The following UVRAG variants were observed in gnomAD, a reference collection of about 807,000 sequenced individuals.
UVRAG encodes the protein UV radiation resistance-associated gene protein.
Under a neutral mutation model 78.0 loss-of-function variants are expected in UVRAG, and 19 were observed. The ratio of observed to expected loss-of-function variants is 0.24; its 90% CI spans 0.17 to 0.36. The LOEUF is 0.36. UVRAG is among the 10% of genes least tolerant of loss of function. The probability of loss-of-function intolerance (pLI) is 1.00; values close to 1 mark genes in which losing one functional copy is unlikely to be tolerated. For synonymous variants in UVRAG, 323 were observed against 324.6 expected (o/e 1.00, Z 0.05); for missense variants, 740 against 853.8 (o/e 0.87, Z 1.66).
chr11:76,127,159 T>G (rs1229813073), intron 14 of UVRAG, among the ~76,000 whole-genome samples: 1 of 152,246 alleles, frequency 6.6e-6, no homozygotes, highest in African/African-American at 2.4e-5. Flanking sequence ...TTTATACATC[T>G]CTTTATTTCC....
At chr11:76,013,983 G>A (rs1950100766) in intron 11 of UVRAG, among the ~76,000 whole-genome samples, 1 of 152,204 alleles carries the variant, frequency 6.6e-6, no homozygotes, top group Admixed American at 6.5e-5. Flanking sequence ...CTTGTGGCAA[G>A]AATGGTGAGT....
At chr11:76,051,905 C>T (rs556397518) in intron 12 of UVRAG, among the ~76,000 whole-genome samples, 9 of 152,232 alleles carry the variant, frequency 5.9e-5, no homozygotes, top group African/African-American at 2.2e-4. Context: ...CATGGTCTGG[C>T]GTGGTGTGTG....
At chr11:76,043,215 T>C (rs768067537) in intron 12 of UVRAG, among the ~76,000 whole-genome samples, 7 of 152,212 alleles carry the variant, frequency 4.6e-5, no homozygotes, top group Non-Finnish European at 8.8e-5. Context: ...GGTAGTATTA[T>C]TTAAACTGTT....
intron 6 of UVRAG, among the ~76,000 whole-genome samples, chr11:75,920,025 T>TTTTTTTTG (rs1947944004): frequency 9.3e-6 from 1 of 106,992 alleles, no homozygotes; most frequent in African/African-American, 4.4e-5. Context: ...TTTTTTTTTT[T>TTTTTTTTG]TTTTTTTTTT....
Position 76,141,253 on chromosome 11 carries a change from A to C in UVRAG, c.1940A>C (p.Asp647Ala). The C allele has an allele frequency of 6.2e-7, 1 of 1,614,204 alleles. No individual in the cohort carries two copies. The change falls in exon 15 of 15, where the codon GAT becomes GCT. Residue 647 changes from aspartate to alanine, a missense_variant. By Grantham distance (126) the Asp-to-Ala change is moderately radical. Transcript: ENST00000356136. ...GLEATGFASG[D>A]QLEAFNCIPV... ...GAAGCCACAGGTTTCGCCTCAGGTG[A>C]TCAGCTAGAAGCATTTAACTGCATC...
chr11:76,034,003 A>G (rs1226771745), intron 12 of UVRAG, among the ~76,000 whole-genome samples: 1 of 152,232 alleles, frequency 6.6e-6, no homozygotes, highest in East Asian at 1.9e-4. Flanking sequence ...TCTGTTGAGT[A>G]GCTGTTACAT....
In UVRAG at chr11:75,898,121, G is replaced by A. The variant is rs188138075; in HGVS notation, c.507+9218G>A. On this transcript the variant is annotated intron_variant, in intron 5 of 14. Coordinates refer to ENST00000356136, the MANE Select transcript of UVRAG (RefSeq NM_003369.4). The stretch of plus-strand genomic sequence containing the variant: ...CCTGACCTCGTGATCCACCCGCCTC[G>A]GCCTCCCAAAGTGCTGGGATTACAG... Among the ~76,000 whole-genome samples the A allele has an allele frequency of 5.0e-3, 753 of 151,994 alleles. 4 individuals are homozygous for A. Among genetic ancestry groups the A allele is most frequent in the African/African-American group, 0.016 (681 of 41,450 alleles).
intron 3 of UVRAG, among the ~76,000 whole-genome samples, chr11:75,863,827 C>CAT (rs1386201663): frequency 6.6e-6 from 1 of 152,166 alleles, no homozygotes; most frequent in Non-Finnish European, 1.5e-5. Context: ...GAATGTACCT[C>CAT]ATACAGTGTT....
chr11:75,850,988 G>A (rs532167551), intron 1 of UVRAG, among the ~76,000 whole-genome samples: 1 of 152,334 alleles, frequency 6.6e-6, no homozygotes, highest in Non-Finnish European at 1.5e-5. Context: ...CCTCAGGAGA[G>A]TGAACTGGCT....
In UVRAG at chr11:76,141,387, C is replaced by T. The variant is rs768673283; in HGVS notation, c.2074C>T (p.Arg692Trp). The change falls in exon 15 of 15, where the codon CGG (arginine) becomes TGG (tryptophan). Residue 692 changes from arginine to tryptophan, a missense_variant. By Grantham distance (101) the Arg-to-Trp change is moderately radical (BLOSUM62 -3). Transcript: ENST00000356136. ...ALNENVSSFR[R>W]PRRSSDK ...GAATGAAAACGTATCCAGCTTCCGC[C>T]GGCCGCGCAGGAGTTCCGATAAGTG... 1 of 1,613,576 alleles carries T rather than the reference C, an allele frequency of 6.2e-7. No homozygotes were observed. The highest frequency in any genetic ancestry group is 1.1e-5 in the South Asian group (1 of 91,052).
At chr11:75,897,696 G>T (rs898512605) in intron 5 of UVRAG, among the ~76,000 whole-genome samples, 8 of 151,318 alleles carry the variant, frequency 5.3e-5, no homozygotes, top group African/African-American at 1.9e-4. Flanking sequence ...GCTAATTTTT[G>T]TATTTTTAGT....
At chr11:76,037,598 G>A (rs1333412011) in intron 12 of UVRAG, among the ~76,000 whole-genome samples, 1 of 150,696 alleles carries the variant, frequency 6.6e-6, no homozygotes, top group East Asian at 1.9e-4. Flanking sequence ...GTAAGTCCCA[G>A]CTACTCAAGA....
rs1950490485 is a variant in UVRAG at position 76,034,334 on chromosome 11, G to A, written c.1226+17354G>A. On this transcript the variant is annotated intron_variant, in intron 12 of 14. Coordinates refer to ENST00000356136, the MANE Select transcript of UVRAG (RefSeq NM_003369.4). ...AGCCTCCCGAATACCTGGGATTATA[G>A]TCTTATGCCAGCATGCCCAGCTATT... is the stretch of plus-strand genomic sequence containing the variant. Among the ~76,000 whole-genome samples, 4 of 152,004 alleles carry A rather than the reference G, an allele frequency of 2.6e-5. No individual in the cohort carries two copies. The South Asian group carries it at 8.3e-4, about 32-fold the overall frequency.
At chr11:75,966,234 A>AT (rs1406305733) in intron 7 of UVRAG, among the ~76,000 whole-genome samples, 17 of 151,920 alleles carry the variant, frequency 1.1e-4, no homozygotes, top group Admixed American at 3.3e-4. Context: ...TTATTTTTGT[A>AT]TTTTGTTGGA....
chr11:75,943,573 A>G (rs1163144197), intron 6 of UVRAG, among the ~76,000 whole-genome samples: 1 of 152,096 alleles, frequency 6.6e-6, no homozygotes, highest in African/African-American at 2.4e-5. Flanking sequence ...GAAATGAGTT[A>G]GTTGAGATGT....
intron 13 of UVRAG, among the ~76,000 whole-genome samples, chr11:76,098,060 G>GT (rs1225343490): frequency 2.0e-5 from 3 of 150,252 alleles, no homozygotes; most frequent in South Asian, 2.1e-4. Flanking sequence ...TTGTTTGTTT[G>GT]TTTTTTTGTT....
At chr11:75,853,471 C>A (rs1220110834) in intron 2 of UVRAG, among the ~76,000 whole-genome samples, 1 of 150,326 alleles carries the variant, frequency 6.7e-6, no homozygotes, top group Non-Finnish European at 1.5e-5. Context: ...AGTGATTCTG[C>A]TGCCTCAGCC....
chr11:75,840,208 C>T (rs12274976), intron 1 of UVRAG, among the ~76,000 whole-genome samples: 2 of 151,782 alleles, frequency 1.3e-5, no homozygotes, highest in East Asian at 3.8e-4. Flanking sequence ...CAGAAATTTG[C>T]CCTTTTCATG....
intron 6 of UVRAG, among the ~76,000 whole-genome samples, chr11:75,923,704 C>A (rs546437744): frequency 6.6e-6 from 1 of 152,240 alleles, no homozygotes; most frequent in South Asian, 2.1e-4. Context: ...ACTCATCGCT[C>A]TGTCCATTTT....
Sources: gnomAD v4.1 joint callset for allele counts (sites outside exome capture counted in the v4.1 genomes callset) on GRCh38, gnomAD v4.1.1 for gene constraint, MANE v1.5 for transcripts, NCBI Gene and HGNC (gene_info 2026-07-23, HGNC 2026-07-21) for gene names.